The following SLC5A4 variants were observed in gnomAD, a reference collection of about 807,000 sequenced individuals.
The protein encoded by SLC5A4 is solute carrier family 5 member 4.
A neutral mutation model predicts 70.3 loss-of-function variants in SLC5A4; 55 were observed. The ratio of observed to expected loss-of-function variants is 0.78; its 90% CI spans 0.63 to 0.98. The LOEUF (loss-of-function observed/expected upper bound fraction) is 0.98. SLC5A4 is among the 50% of genes least tolerant of loss of function. The probability of loss-of-function intolerance (pLI) is 0.00; values close to 1 mark genes in which losing one functional copy is unlikely to be tolerated. For missense variants in SLC5A4, 735 were observed against 839.2 expected (o/e 0.88, Z 1.53); for synonymous variants, 268 against 305.7 (o/e 0.88, Z 1.29).
intron 5 of SLC5A4, among the ~76,000 whole-genome samples, chr22:32,246,655 G>A (rs1926847597): frequency 6.6e-6 from 1 of 152,062 alleles, no homozygotes; most frequent in South Asian, 2.1e-4. Context: ...AGCCTCCTGA[G>A]TAGCTGGGAT....
chr22:32,228,747 AAC>A (rs1473606314), intron 11 of SLC5A4, among the ~76,000 whole-genome samples: 1 of 152,064 alleles, frequency 6.6e-6, no homozygotes. Flanking sequence ...GCTCCTTTGT[AAC>A]ACAGCCCAAT....
At chr22:32,226,037 C>A (rs1925378076) in intron 11 of SLC5A4, among the ~76,000 whole-genome samples, 1 of 152,150 alleles carries the variant, frequency 6.6e-6, no homozygotes, top group Admixed American at 6.6e-5. Context: ...ATCATAATAG[C>A]TTCATCTATG....
the SLC5A4 span, among the ~76,000 whole-genome samples, chr22:32,341,562 C>T: frequency 6.6e-6 from 1 of 152,190 alleles, no homozygotes; most frequent in Non-Finnish European, 1.5e-5. Flanking sequence ...AATCCTGGGA[C>T]AGCAGAGCAC....
At chr22:32,241,229 A>G (rs1785006801) in intron 5 of SLC5A4, among the ~76,000 whole-genome samples, 1 of 152,252 alleles carries the variant, frequency 6.6e-6, no homozygotes, top group African/African-American at 2.4e-5. Context: ...AGAGCATAAA[A>G]TAAGTTTTGC....
chr22:32,246,591 G>C (rs1926843089), intron 5 of SLC5A4, among the ~76,000 whole-genome samples: 1 of 152,110 alleles, frequency 6.6e-6, no homozygotes. Context: ...GCAGTGGTGT[G>C]ATCTTGGCTC....
chr22:32,330,715 G>C, the SLC5A4 span, among the ~76,000 whole-genome samples: 2 of 108,172 alleles, frequency 1.8e-5, no homozygotes, highest in South Asian at 3.6e-4. Flanking sequence ...GTGTATTGGG[G>C]GCTCTGGTGT....
At chr22:32,222,478 G>T (rs1434255703) in intron 13 of SLC5A4, among the ~76,000 whole-genome samples, 1 of 152,108 alleles carries the variant, frequency 6.6e-6, no homozygotes, top group Non-Finnish European at 1.5e-5. Context: ...ATATTAATGA[G>T]ACATTAACAT....
intron 5 of SLC5A4, among the ~76,000 whole-genome samples, chr22:32,244,809 C>A (rs1025375202): frequency 3.9e-5 from 6 of 152,224 alleles, no homozygotes; most frequent in Admixed American, 3.3e-4. Flanking sequence ...GGATTACAGG[C>A]AGAAGTCACT....
chr22:32,304,817 C>G, the SLC5A4 span, among the ~76,000 whole-genome samples: 1 of 151,456 alleles, frequency 6.6e-6, no homozygotes, highest in Admixed American at 6.6e-5. Flanking sequence ...CCAAGGTCAT[C>G]TAGATTTTCT....
the SLC5A4 span, among the ~76,000 whole-genome samples, chr22:32,297,959 C>T: frequency 9.7e-6 from 1 of 103,538 alleles, no homozygotes; most frequent in Admixed American, 1.0e-4. Flanking sequence ...TGTAGTTGAG[C>T]GGTTTTGAGT....
chr22:32,248,406 C>A (rs980424798), intron 4 of SLC5A4, among the ~76,000 whole-genome samples: 1 of 152,066 alleles, frequency 6.6e-6, no homozygotes, highest in Non-Finnish European at 1.5e-5. Flanking sequence ...AGCTGAAACT[C>A]ACTAGATCAA....
chr22:32,343,862 A>G, the SLC5A4 span, among the ~76,000 whole-genome samples: 1 of 152,238 alleles, frequency 6.6e-6, no homozygotes. Context: ...GAGAAGCAGA[A>G]TCATTCCACT....
At chr22:32,244,034 C>T (rs1926680361) in intron 5 of SLC5A4, among the ~76,000 whole-genome samples, 1 of 152,040 alleles carries the variant, frequency 6.6e-6, no homozygotes, top group African/African-American at 2.4e-5. Flanking sequence ...TAGCAGGAGA[C>T]GGTTGTATTT....
the SLC5A4 span, among the ~76,000 whole-genome samples, chr22:32,268,931 C>CT: frequency 6.6e-6 from 1 of 152,208 alleles, no homozygotes; most frequent in African/African-American, 2.4e-5. Flanking sequence ...GAGTTTCGCT[C>CT]TTTCGCCCAG....
At chr22:32,304,922 A>G in the SLC5A4 span, among the ~76,000 whole-genome samples, 1 of 151,980 alleles carries the variant, frequency 6.6e-6, no homozygotes, top group East Asian at 1.9e-4. Flanking sequence ...GTCTGTGTTC[A>G]GATTCGTATT....
the SLC5A4 span, among the ~76,000 whole-genome samples, chr22:32,280,601 C>T: frequency 1.3e-5 from 2 of 152,202 alleles, no homozygotes; most frequent in Non-Finnish European, 2.9e-5. Context: ...TGTATAGGTT[C>T]CTGTTTGTCT....
At chr22:32,228,579 C>T (rs867716278) in intron 11 of SLC5A4, among the ~76,000 whole-genome samples, 1 of 151,838 alleles carries the variant, frequency 6.6e-6, no homozygotes, top group South Asian at 2.1e-4. Context: ...AGGGTCTTCT[C>T]GAAAATTGTG....
chr22:32,344,708 G>A, the SLC5A4 span, among the ~76,000 whole-genome samples: 1 of 152,046 alleles, frequency 6.6e-6, no homozygotes, highest in Non-Finnish European at 1.5e-5. Flanking sequence ...TTCCAATTCA[G>A]CTTTTATGGC....
At chr22:32,286,024 C>G in the SLC5A4 span, among the ~76,000 whole-genome samples, 1 of 152,178 alleles carries the variant, frequency 6.6e-6, no homozygotes, top group Non-Finnish European at 1.5e-5. Context: ...GCGTGAGCCA[C>G]CGCTCCCAGG....
Sources: allele counts gnomAD v4.1 joint callset (sites outside exome capture counted in the v4.1 genomes callset), GRCh38; gene constraint gnomAD v4.1.1; transcripts MANE v1.5; gene names NCBI Gene and HGNC (gene_info 2026-07-23, HGNC 2026-07-21).